The following NLRP10 variants were observed in gnomAD, a reference collection of about 807,000 sequenced individuals.
The protein encoded by NLRP10 is NLR family pyrin domain containing 10.
A neutral mutation model predicts 8.2 loss-of-function variants in NLRP10; 7 were observed. That is an observed-to-expected ratio of 0.85 (90% CI 0.48 to 1.60). NLRP10 has a LOEUF of 1.60. Among genes scored for constraint, NLRP10 ranks in the 40% most tolerant of loss-of-function variants. The pLI, the probability that NLRP10 is intolerant of heterozygous loss-of-function variation, is 0.00. For missense variants in NLRP10, 814 were observed against 776.3 expected, an observed-to-expected ratio of 1.05 and a Z score of -0.58; for synonymous variants, 338 against 314.0, an observed-to-expected ratio of 1.08 and a Z score of -0.81.
Position 7,963,427 on chromosome 11 carries a change from G to C in NLRP10, c.69C>G (p.Asn23Lys). 1.2e-6 allele frequency: 2 copies of C among 1,614,086 alleles called. No homozygotes were observed. The highest frequency in any genetic ancestry group is 1.7e-6 in the Non-Finnish European group (2 of 1,179,986). ...LLWALSDLEE[N>K]DFKKLKFYLR... The stretch of plus-strand genomic sequence containing the variant: ...AGTAGAACTTTAACTTCTTGAAATC[G>C]TTCTCCTCAAGGTCACTCAAGGCCC... Residue 23 changes from asparagine to lysine, a missense_variant, in exon 2 of 3, where the codon AAC becomes AAG. Coordinates refer to ENST00000691676, the MANE Select transcript of NLRP10 (RefSeq NM_001391958.1).
rs556923960 is a variant in NLRP10 at position 7,962,583 on chromosome 11, C to T, written c.289+624G>A. 1.2e-3 allele frequency among the ~76,000 whole-genome samples: 190 copies of T among 152,268 alleles called. 1 individual carries two copies. Among genetic ancestry groups the T allele is most frequent in the Non-Finnish European group, 2.3e-3 (159 of 68,016 alleles). On this transcript the variant is annotated intron_variant, in intron 2 of 2. Coordinates refer to ENST00000691676, the MANE Select transcript of NLRP10 (RefSeq NM_001391958.1). The stretch of plus-strand genomic sequence containing the variant: ...GACAAGCCAAATGCTAAAGATAAAA[C>T]AGCTTCTCAGAAAGAGCCATGACTC...
rs948185219 is a variant in NLRP10, at chr11:7,959,055, G to A, written c.*589C>T. ...TCTAAAAAGTCATCGCCAAACCCAA[G>A]GTCACCTAGATTTTCTCCTATATTA... On this transcript the variant is annotated 3_prime_UTR_variant, in exon 3 of 3. Transcript: ENST00000691676. 6.6e-6 allele frequency among the ~76,000 whole-genome samples: 1 copy of A among 151,656 alleles called. No individual in the cohort carries two copies. The highest frequency in any genetic ancestry group is 1.5e-5 in the Non-Finnish European group (1 of 67,932).
intron 1 of NLRP10, 92 bp from the exon 2 acceptor site, chr11:7,963,632 G>A: frequency 1.5e-6 from 1 of 669,446 alleles, no homozygotes; most frequent in Non-Finnish European, 2.5e-6. Flanking sequence ...AGGCCAGGGA[G>A]AGACGAGATA....
intron 1 of NLRP10, 117 bp from the exon 2 acceptor site, chr11:7,963,657 C>T: frequency 5.0e-6 from 3 of 603,864 alleles, no homozygotes; most frequent in Non-Finnish European, 2.9e-6. Flanking sequence ...TGCAAAGCTC[C>T]AAGAAAGACA....
chr11:7,961,925 TG>T (rs1158502721), intron 2 of NLRP10, among the ~76,000 whole-genome samples: 1 of 152,160 alleles, frequency 6.6e-6, no homozygotes, highest in East Asian at 1.9e-4. Context: ...ATGAATGTCT[TG>T]GGGCCCTCCC....
At position 7,959,488 on chromosome 11, in the gene NLRP10, T is replaced by C; in HGVS notation, c.*156A>G. The stretch of plus-strand genomic sequence containing the variant: ...ATCTTGATTGGGATTGCATTGAATC[T>C]ACAGATCAAACTGGGGAAAACTAAC... On this transcript the variant is annotated 3_prime_UTR_variant, in exon 3 of 3. Transcript: ENST00000691676. 1 of 534,260 alleles carries C rather than the reference T, an allele frequency of 1.9e-6. No individual in the cohort carries two copies. The allele number at this position is 534,260 out of a possible 1,614,324, so 33.1% of individuals were successfully genotyped here.
rs1182337632 is a variant in NLRP10, at chr11:7,960,615, G to A, written c.997C>T (p.Gln333Ter). Residue 333 changes from glutamine (Q) to a stop codon, truncating the protein, a stop_gained, in exon 3 of 3, where the codon CAA becomes TAA. Coordinates refer to ENST00000691676, the MANE Select transcript of NLRP10 (RefSeq NM_001391958.1). LOFTEE classifies it low-confidence loss of function (END_TRUNC). ...ACAATGTCGAAGGCACGGTCAGCTT[G>A]CTTCTCATCCGTGAAATAGGAGCTG... is the stretch of plus-strand genomic sequence containing the variant. ...YFSSYFTDEKQADRAFDIVQK... is the reference protein window; with the variant it reads ...YFSSYFTDEK 1 of 1,614,064 alleles carries A rather than the reference G, an allele frequency of 6.2e-7. No individual in the cohort carries two copies. Among genetic ancestry groups the A allele is most frequent in the Admixed American group, 1.7e-5 (1 of 60,002 alleles).
Position 7,961,305 on chromosome 11 carries a change from G to C in NLRP10, c.307C>G (p.Arg103Gly). ...ICLHDYREVYREHVRCLEEWQ... is the reference protein window; with the variant it reads ...ICLHDYREVYGEHVRCLEEWQ... ...TCCTCTAGGCAGCGCACATGCTCTC[G>C]GTATACTTCTCTGTAATCTGAGCCA... The change falls in exon 3 of 3, where the codon CGA becomes GGA. Residue 103 changes from arginine (R) to glycine (G), a missense_variant. Transcript: ENST00000691676. The C allele has an allele frequency of 6.4e-7, 1 of 1,566,324 alleles. No individual in the cohort carries two copies. The highest frequency in any genetic ancestry group is 8.7e-7 in the Non-Finnish European group (1 of 1,154,790).
chr11:7,962,169 TA>T (rs1328500377), intron 2 of NLRP10, among the ~76,000 whole-genome samples: 1 of 148,556 alleles, frequency 6.7e-6, no homozygotes, highest in African/African-American at 2.5e-5. Context: ...CTTTTCTTTA[TA>T]AATTACCCAG....
At chr11:7,964,479 G>C (rs962460007) in intron 1 of NLRP10, among the ~76,000 whole-genome samples, 2 of 152,222 alleles carry the variant, frequency 1.3e-5, no homozygotes, top group African/African-American at 4.8e-5. Flanking sequence ...CTTTGTGCCA[G>C]GTGATTTACA....
intron 1 of NLRP10, among the ~76,000 whole-genome samples, chr11:7,964,487 A>G (rs1278169599): frequency 6.6e-6 from 1 of 152,230 alleles, no homozygotes; most frequent in Non-Finnish European, 1.5e-5. Context: ...CAGGTGATTT[A>G]CATATCCTTT....
At chr11:7,963,830 C>T (rs1212048458) in intron 1 of NLRP10, among the ~76,000 whole-genome samples, 2 of 151,268 alleles carry the variant, frequency 1.3e-5, no homozygotes, top group Non-Finnish European at 2.9e-5. Context: ...CTCTCTCCCC[C>T]CACTCCCTTC....
chr11:7,959,798 T>C lies in NLRP10; in HGVS notation c.1814A>G (p.Lys605Arg). The C allele has an allele frequency of 6.2e-7, 1 of 1,614,140 alleles. No homozygotes were observed. Among genetic ancestry groups the C allele is most frequent in the South Asian group, 1.1e-5 (1 of 91,076 alleles). The change falls in exon 3 of 3, where the codon AAA (lysine) becomes AGA (arginine). Residue 605 changes from lysine to arginine, a missense_variant. Physicochemically the swap from Lys to Arg is conservative, Grantham distance 26. Coordinates refer to ENST00000691676, the MANE Select transcript of NLRP10 (RefSeq NM_001391958.1). ...KSQSQNLFSVKSSLSHGPKEE... is the reference protein window; with the variant it reads ...KSQSQNLFSVRSSLSHGPKEE... Reference sequence around the variant, plus strand: ...CTTAGGTCCATGACTCAAGCTGCTTTTGACAGAAAATAAATTCTGGCTCTG... The same window carrying C: ...CTTAGGTCCATGACTCAAGCTGCTTCTGACAGAAAATAAATTCTGGCTCTG...
chr11:7,961,191 G>T lies in NLRP10; in HGVS notation c.421C>A (p.Pro141Thr), dbSNP rs1315889718. The change falls in exon 3 of 3, where the codon CCC (proline) becomes ACC (threonine). Residue 141 changes from proline to threonine, a missense_variant. Transcript: ENST00000691676. ...GACTCCAGCTCCTGCTCCGGGAAGGGGCAGGCAAGTGATTCTGGGCTCTCT... is the reference window on the plus strand; with the variant it reads ...GACTCCAGCTCCTGCTCCGGGAAGGTGCAGGCAAGTGATTCTGGGCTCTCT... ...SSESPESLACPFPEQELESVT... is the reference protein window; with the variant it reads ...SSESPESLACTFPEQELESVT... 1.2e-6 allele frequency: 2 copies of T among 1,613,734 alleles called. No individual in the cohort carries two copies. The highest frequency in any genetic ancestry group is 1.7e-6 in the Non-Finnish European group (2 of 1,179,890).
At chr11:7,962,460 T>C (rs1941748814) in intron 2 of NLRP10, among the ~76,000 whole-genome samples, 1 of 151,904 alleles carries the variant, frequency 6.6e-6, no homozygotes, top group South Asian at 2.1e-4. Context: ...ATGGTCTCGA[T>C]CTCCTGACCT....
intron 1 of NLRP10, among the ~76,000 whole-genome samples, chr11:7,963,991 G>A (rs564524548): frequency 1.8e-4 from 28 of 151,994 alleles, no homozygotes; most frequent in South Asian, 1.7e-3. Flanking sequence ...GCATGATCTC[G>A]GCTCACCTCA....
At position 7,961,057 on chromosome 11, in the gene NLRP10, T is replaced by G; in HGVS notation, c.555A>C (p.Lys185Asn). 6.2e-7 allele frequency: 1 copy of G among 1,613,970 alleles called. No individual in the cohort carries two copies. The highest frequency in any genetic ancestry group is 8.5e-7 in the Non-Finnish European group (1 of 1,179,966). ...AGTGKTTLAR[K>N]MVLDWATGTL... is the part of the protein sequence containing the mutation. ...TACCGGTGGCCCAGTCCAACACCAT[T>G]TTTCTGGCGAGAGTTGTCTTTCCAG... The change falls in exon 3 of 3, where the codon AAA becomes AAC. Residue 185 changes from lysine to asparagine, a missense_variant. Physicochemically the swap from Lys to Asn is moderately conservative, Grantham distance 94. Coordinates refer to ENST00000691676, the MANE Select transcript of NLRP10 (RefSeq NM_001391958.1).
At position 7,960,795 on chromosome 11, in the gene NLRP10, G is replaced by A. The variant is rs1564878031; in HGVS notation, c.817C>T (p.Leu273=). The A allele has an allele frequency of 6.2e-7, 1 of 1,614,138 alleles. No individual in the cohort carries two copies. Among genetic ancestry groups the A allele is most frequent in the Non-Finnish European group, 8.5e-7 (1 of 1,180,032 alleles). Residue 273 remains leucine, a synonymous_variant, in exon 3 of 3, where the codon CTG becomes TTG. Transcript: ENST00000691676. The part of the protein sequence containing the change: ...KKRGLSPKES[L]LHLLIRRHTL... The stretch of plus-strand genomic sequence containing the variant: ...TGTCTCCTAATTAGAAGGTGCAGCA[G>A]GCTCTCCTTGGGACTCAAACCCCTC...
intron 2 of NLRP10, among the ~76,000 whole-genome samples, chr11:7,962,367 C>G (rs1280458398): frequency 6.6e-6 from 1 of 151,458 alleles, no homozygotes; most frequent in African/African-American, 2.4e-5. Context: ...TCCCGTGTAG[C>G]TGGGACCACA....
Sources: allele counts gnomAD v4.1 joint callset (sites outside exome capture counted in the v4.1 genomes callset), GRCh38; gene constraint gnomAD v4.1.1; transcripts MANE v1.5; gene names NCBI Gene and HGNC (gene_info 2026-07-23, HGNC 2026-07-21).